The following SLC8A3 variants were observed in gnomAD, a reference collection of about 807,000 sequenced individuals.
The protein encoded by SLC8A3 is sodium/calcium exchanger 3.
A neutral mutation model predicts 65.4 loss-of-function variants in SLC8A3; 37 were observed. The ratio of observed to expected loss-of-function variants is 0.57; its 90% CI spans 0.44 to 0.74. SLC8A3 has a LOEUF of 0.74. Ranked by LOEUF, SLC8A3 falls within the 30% of genes least tolerant of loss-of-function variation. SLC8A3 has a pLI of 0.00. For synonymous variants in SLC8A3, 461 were observed against 444.5 expected (o/e 1.04, Z -0.47); for missense variants, 1,112 against 1,172.1 (o/e 0.95, Z 0.75).
intron 2 of SLC8A3, among the ~76,000 whole-genome samples, chr14:70,106,254 C>T (rs1892863955): frequency 6.6e-6 from 1 of 152,118 alleles, no homozygotes; most frequent in South Asian, 2.1e-4. Context: ...AAAAAAGACG[C>T]ATGTGCCTCT....
chr14:70,187,639 G>GTGTGTGTGTGTGTGTGTGTGTT (rs775352761), intron 1 of SLC8A3, among the ~76,000 whole-genome samples: 15 of 128,122 alleles, frequency 1.2e-4, no homozygotes, highest in African/African-American at 3.8e-4. Flanking sequence ...GTGTGTGTGT[G>GTGTGTGTGTGTGTGTGTGTGTT]TCCGCGCGCG....
intron 2 of SLC8A3, among the ~76,000 whole-genome samples, chr14:70,146,723 C>T (rs1895948625): frequency 6.6e-6 from 1 of 152,204 alleles, no homozygotes; most frequent in Admixed American, 6.5e-5. Flanking sequence ...GTCCTTTTTG[C>T]AGTCTCTTTA....
At position 70,123,489 on chromosome 14, in the gene SLC8A3, G is replaced by A. The variant is rs545535327; in HGVS notation, c.1784+43150C>T. 6.2e-5 allele frequency among the ~76,000 whole-genome samples: 9 copies of A among 146,310 alleles called. No homozygotes were observed. The East Asian group carries it at 8.1e-4, about 13-fold the overall frequency. On this transcript the variant is annotated intron_variant, in intron 2 of 6. Transcript: ENST00000356921. ...TCTGAGATGGAGTTTCACTCTTGTCGCCCAGGCTGGAGTGCAATGGTGCAA... is the reference window on the plus strand; with the variant it reads ...TCTGAGATGGAGTTTCACTCTTGTCACCCAGGCTGGAGTGCAATGGTGCAA...
In SLC8A3 at chr14:70,052,243, T is replaced by C; in HGVS notation, c.1889-129A>G. Reference sequence around the variant, plus strand: ...CTTGGGAATGGGGAGTTTATATATATTTTTAGTGCCTTTTTTATGAAGTAC... The same window carrying C: ...CTTGGGAATGGGGAGTTTATATATACTTTTAGTGCCTTTTTTATGAAGTAC... On this transcript the variant is annotated intron_variant, in intron 3 of 6. Coordinates refer to ENST00000356921, the MANE Select transcript of SLC8A3 (RefSeq NM_182932.3). 3.5e-6 allele frequency: 4 copies of C among 1,158,738 alleles called. No individual in the cohort carries two copies. In the South Asian group the frequency reaches 8.3e-5, roughly 24 times the overall value. 71.8% of individuals were successfully genotyped at this position (1,158,738 alleles called of 1,614,324 possible).
intron 2 of SLC8A3, among the ~76,000 whole-genome samples, chr14:70,161,401 T>C (rs1896887815): frequency 6.6e-6 from 1 of 151,156 alleles, no homozygotes; most frequent in South Asian, 2.1e-4. Flanking sequence ...TGCCTCACTG[T>C]ACTGCTAAGT....
chr14:70,170,095 C>A (rs892616638), intron 1 of SLC8A3, among the ~76,000 whole-genome samples: 2 of 152,132 alleles, frequency 1.3e-5, no homozygotes, highest in African/African-American at 4.8e-5. Flanking sequence ...CCACCGTAAT[C>A]TTTTTTTAAA....
intron 2 of SLC8A3, among the ~76,000 whole-genome samples, chr14:70,078,684 C>T (rs1250717491): frequency 6.6e-6 from 1 of 152,164 alleles, no homozygotes; most frequent in Non-Finnish European, 1.5e-5. Flanking sequence ...CACATACATT[C>T]AGTTTTATGT....
Position 70,168,360 on chromosome 14 carries a change from A to G in SLC8A3, c.63T>C (p.Phe21=). ...SAFLHFGLVT[F]VLFLNGLRAE... Reference sequence around the variant, plus strand: ...CTCGAAGACCATTCAGGAAGAGCACAAAGGTAACCAGCCCAAAATGGAGGA... The same window carrying G: ...CTCGAAGACCATTCAGGAAGAGCACGAAGGTAACCAGCCCAAAATGGAGGA... Residue 21 remains phenylalanine, a synonymous_variant, in exon 2 of 7, where the codon TTT becomes TTC. Transcript: ENST00000356921. 1 of 1,614,172 alleles carries G rather than the reference A, an allele frequency of 6.2e-7. No individual in the cohort carries two copies.
intron 2 of SLC8A3, among the ~76,000 whole-genome samples, chr14:70,077,561 C>T (rs1240183574): frequency 2.6e-5 from 4 of 152,154 alleles, no homozygotes; most frequent in African/African-American, 9.7e-5. Flanking sequence ...TCAGTATGTA[C>T]TCCGGAGGGC....
chr14:70,047,151 T>C (rs149687780), intron 6 of SLC8A3: 3 of 152,226 alleles, frequency 2.0e-5, no homozygotes, highest in East Asian at 3.9e-4. Context: ...GATCACAGGG[T>C]AACCTTCTTA....
intron 2 of SLC8A3, among the ~76,000 whole-genome samples, chr14:70,156,918 C>T (rs144860014): frequency 2.0e-3 from 297 of 152,250 alleles, no homozygotes; most frequent in East Asian, 8.9e-3. Context: ...TACCTGAAAA[C>T]GACGGAAGAT....
intron 2 of SLC8A3, among the ~76,000 whole-genome samples, chr14:70,115,862 G>C (rs766085528): frequency 6.6e-6 from 1 of 152,114 alleles, no homozygotes; most frequent in Non-Finnish European, 1.5e-5. Context: ...GCACATTCCA[G>C]CTTAAACACC....
intron 2 of SLC8A3, among the ~76,000 whole-genome samples, chr14:70,079,224 C>T (rs1890811268): frequency 6.6e-6 from 1 of 151,250 alleles, no homozygotes; most frequent in South Asian, 2.1e-4. Flanking sequence ...TAGCTCACAC[C>T]TGTAACCACA....
intron 3 of SLC8A3, 31 bp from the exon 4 acceptor site, chr14:70,052,145 A>T: frequency 6.4e-7 from 1 of 1,572,290 alleles, no homozygotes. Flanking sequence ...ACTCGCTTTA[A>T]CACCTTTTCC....
intron 5 of SLC8A3, among the ~76,000 whole-genome samples, chr14:70,049,684 G>T (rs535600877): frequency 4.6e-5 from 7 of 152,250 alleles, no homozygotes; most frequent in Admixed American, 1.3e-4. Context: ...TCTAAGGAGA[G>T]AAGTGAAATC....
intron 2 of SLC8A3, among the ~76,000 whole-genome samples, chr14:70,110,879 A>G (rs1049849881): frequency 2.0e-5 from 3 of 151,500 alleles, no homozygotes; most frequent in African/African-American, 7.3e-5. Context: ...ACGGGGTTTT[A>G]CCGTGTTAGC....
chr14:70,130,427 A>G (rs1385394990), intron 2 of SLC8A3, among the ~76,000 whole-genome samples: 2 of 152,178 alleles, frequency 1.3e-5, no homozygotes. Context: ...CATGTGAGCT[A>G]GTGTGTGTGA....
At chr14:70,184,674 G>A (rs1883038202) in intron 1 of SLC8A3, among the ~76,000 whole-genome samples, 1 of 152,122 alleles carries the variant, frequency 6.6e-6, no homozygotes, top group Admixed American at 6.5e-5. Flanking sequence ...CCCTCTACTG[G>A]CATAAATCAC....
intron 2 of SLC8A3, among the ~76,000 whole-genome samples, chr14:70,090,019 C>G (rs1891701601): frequency 6.6e-6 from 1 of 151,812 alleles, no homozygotes; most frequent in Admixed American, 6.6e-5. Context: ...GGATGTTTTT[C>G]TCCTGTAACT....
Sources: allele counts gnomAD v4.1 joint callset (sites outside exome capture counted in the v4.1 genomes callset), GRCh38; gene constraint gnomAD v4.1.1; transcripts MANE v1.5; gene names NCBI Gene and HGNC (gene_info 2026-07-23, HGNC 2026-07-21).